Variants in NPAS3 observed in about 807,000 individuals in gnomAD.
NPAS3 encodes neuronal PAS domain-containing protein 3.
In NPAS3, 14 loss-of-function variants were observed where a neutral mutation model predicts 73.1. The observed-to-expected ratio is 0.19, with a 90% CI of 0.13 to 0.30. The LOEUF (loss-of-function observed/expected upper bound fraction) is 0.30. Among genes scored for constraint, NPAS3 ranks in the 10% least tolerant of loss-of-function variants. The pLI, the probability that NPAS3 is intolerant of heterozygous loss-of-function variation, is 1.00. For synonymous variants in NPAS3, 620 were observed against 541.5 expected (o/e 1.14, Z -2.01); for missense variants, 1,096 against 1,250.0 (o/e 0.88, Z 1.86).
intron 1 of NPAS3, among the ~76,000 whole-genome samples, chr14:32,989,323 G>A (rs1041762726): frequency 1.3e-5 from 2 of 152,202 alleles, no homozygotes; most frequent in Non-Finnish European, 2.9e-5. Flanking sequence ...CAGGAAATGA[G>A]GTTGAAAAGC....
chr14:33,377,188 TTCTTC>T (rs941903127), intron 4 of NPAS3, among the ~76,000 whole-genome samples: 1 of 152,200 alleles, frequency 6.6e-6, no homozygotes, highest in African/African-American at 2.4e-5. Flanking sequence ...AGAATGAAAA[TTCTTC>T]TCTTAAAAAC....
intron 3 of NPAS3, among the ~76,000 whole-genome samples, chr14:33,356,457 A>T (rs2045342691): frequency 6.6e-6 from 1 of 152,224 alleles, no homozygotes; most frequent in African/African-American, 2.4e-5. Flanking sequence ...CAGTTTTGTG[A>T]ATAAACCAAC....
intron 4 of NPAS3, among the ~76,000 whole-genome samples, chr14:33,515,709 CTGT>C (rs1266044111): frequency 6.6e-6 from 1 of 152,086 alleles, no homozygotes; most frequent in Non-Finnish European, 1.5e-5. Flanking sequence ...TTGCATTACT[CTGT>C]TGTTCTTAAC....
chr14:33,285,505 A>G (rs528366337), intron 3 of NPAS3, among the ~76,000 whole-genome samples: 18 of 152,186 alleles, frequency 1.2e-4, no homozygotes, highest in Non-Finnish European at 2.2e-4. Flanking sequence ...GTCAACAACA[A>G]TGAGGCCCAG....
intron 5 of NPAS3, among the ~76,000 whole-genome samples, chr14:33,579,624 G>A (rs2056583716): frequency 6.6e-6 from 1 of 152,008 alleles, no homozygotes; most frequent in South Asian, 2.1e-4. Flanking sequence ...TCCCTGTTCA[G>A]TTGTGCATTT....
At chr14:32,952,168 T>C (rs1459442065) in intron 1 of NPAS3, among the ~76,000 whole-genome samples, 1 of 152,106 alleles carries the variant, frequency 6.6e-6, no homozygotes, top group Non-Finnish European at 1.5e-5. Context: ...ATAGCTCTTG[T>C]CAGTAATAAT....
intron 1 of NPAS3, among the ~76,000 whole-genome samples, chr14:33,051,721 G>T (rs375228946): frequency 6.6e-6 from 1 of 152,124 alleles, no homozygotes; most frequent in East Asian, 1.9e-4. Flanking sequence ...TACGTGAAAT[G>T]GTTATTTAGA....
chr14:33,044,806 G>A (rs553515130), intron 1 of NPAS3, among the ~76,000 whole-genome samples: 2 of 152,214 alleles, frequency 1.3e-5, no homozygotes, highest in South Asian at 4.1e-4. Flanking sequence ...GGATATGTGT[G>A]TATTAGTTAG....
chr14:33,195,817 G>A (rs2046331875), intron 2 of NPAS3, among the ~76,000 whole-genome samples: 1 of 152,178 alleles, frequency 6.6e-6, no homozygotes, highest in Admixed American at 6.5e-5. Context: ...AAACTCACTG[G>A]ATCCTGAAGG....
intron 2 of NPAS3, among the ~76,000 whole-genome samples, chr14:33,177,693 G>T (rs879477948): frequency 1.3e-5 from 2 of 152,110 alleles, no homozygotes; most frequent in Non-Finnish European, 2.9e-5. Flanking sequence ...CTATGACGTA[G>T]AGGTCCAACT....
At chr14:32,947,805 T>G (rs1038510517) in intron 1 of NPAS3, among the ~76,000 whole-genome samples, 17 of 152,156 alleles carry the variant, frequency 1.1e-4, no homozygotes, top group African/African-American at 3.9e-4. Flanking sequence ...TCATTTTTTT[T>G]TGCACATTTT....
At chr14:33,705,797 C>T (rs2060641243) in intron 6 of NPAS3, among the ~76,000 whole-genome samples, 1 of 152,146 alleles carries the variant, frequency 6.6e-6, no homozygotes. Context: ...TCCACAAGAA[C>T]AATTTTACAG....
At chr14:32,957,593 T>G (rs1056253245) in intron 1 of NPAS3, among the ~76,000 whole-genome samples, 3 of 152,054 alleles carry the variant, frequency 2.0e-5, no homozygotes, top group Non-Finnish European at 4.4e-5. Context: ...AGGATGGTCT[T>G]GATCTCCTGA....
intron 1 of NPAS3, among the ~76,000 whole-genome samples, chr14:32,992,297 A>G (rs1267500801): frequency 2.0e-5 from 3 of 152,218 alleles, no homozygotes; most frequent in Non-Finnish European, 4.4e-5. Flanking sequence ...TCTTTAGGTC[A>G]TTAGGTAGTA....
At chr14:33,674,242 T>A (rs2059691982) in intron 5 of NPAS3, among the ~76,000 whole-genome samples, 1 of 152,232 alleles carries the variant, frequency 6.6e-6, no homozygotes. Flanking sequence ...AAATCTATTT[T>A]ATCTGCCATT....
intron 6 of NPAS3, among the ~76,000 whole-genome samples, chr14:33,706,812 G>C (rs1025569137): frequency 1.3e-5 from 2 of 152,128 alleles, no homozygotes; most frequent in Non-Finnish European, 2.9e-5. Flanking sequence ...AAGCAGCCCT[G>C]AGCAGCTGAT....
At chr14:33,555,809 T>C (rs983846550) in intron 4 of NPAS3, among the ~76,000 whole-genome samples, 3 of 152,136 alleles carry the variant, frequency 2.0e-5, no homozygotes, top group South Asian at 2.1e-4. Context: ...GATACGGACA[T>C]TGATCTGAGA....
At chr14:33,061,038 G>C (rs180902390) in intron 2 of NPAS3, among the ~76,000 whole-genome samples, 21 of 152,334 alleles carry the variant, frequency 1.4e-4, no homozygotes, top group Admixed American at 3.3e-4. Context: ...GAGAAGAGGA[G>C]AATGAGTGAA....
In NPAS3 at chr14:33,696,381, G is replaced by A. The variant is rs139277174; in HGVS notation, c.733+19996G>A. Among the ~76,000 whole-genome samples the A allele has an allele frequency of 5.0e-4, 76 of 152,224 alleles. No individual in the cohort carries two copies. The East Asian group carries it at 0.012, about 24-fold the overall frequency. On this transcript the variant is annotated intron_variant, in intron 6 of 11. Coordinates refer to ENST00000356141, the Ensembl canonical transcript of NPAS3. ...ACTTTAAACACTTTGAGCCACTTTCGTCACCCACAAAATGAAACGAGTATT... is the reference window on the plus strand; with the variant it reads ...ACTTTAAACACTTTGAGCCACTTTCATCACCCACAAAATGAAACGAGTATT...
Sources: allele counts gnomAD v4.1 joint callset (sites outside exome capture counted in the v4.1 genomes callset), GRCh38; gene constraint gnomAD v4.1.1; transcripts MANE v1.5; gene names NCBI Gene and HGNC (gene_info 2026-07-23, HGNC 2026-07-21).